Variants in SORCS1 observed in about 807,000 individuals in gnomAD.
SORCS1 encodes the protein VPS10 domain-containing receptor SorCS1.
SORCS1 carries 60 observed loss-of-function variants against 146.1 expected under a neutral mutation model. The ratio of observed to expected loss-of-function variants is 0.41; its 90% CI spans 0.33 to 0.51. The LOEUF (loss-of-function observed/expected upper bound fraction) is 0.51, where lower values mean the gene tolerates loss of function less well. Ranked by LOEUF, SORCS1 falls within the 20% of genes least tolerant of loss-of-function variation. The pLI is 0.21. For missense variants in SORCS1, 1,352 were observed against 1,487.6 expected, an observed-to-expected ratio of 0.91 and a Z score of 1.50; for synonymous variants, 637 against 584.0, an observed-to-expected ratio of 1.09 and a Z score of -1.31.
intron 1 of SORCS1, among the ~76,000 whole-genome samples, chr10:107,015,471 A>T (rs1462501366): frequency 6.6e-6 from 1 of 152,214 alleles, no homozygotes; most frequent in Non-Finnish European, 1.5e-5. Flanking sequence ...CTGAGGGAAA[A>T]GCATTTAAGG....
At chr10:107,049,325 C>T (rs975285269) in intron 1 of SORCS1, among the ~76,000 whole-genome samples, 6 of 148,516 alleles carry the variant, frequency 4.0e-5, no homozygotes, top group African/African-American at 9.9e-5. Context: ...TGCTAAATGA[C>T]GAGTTAATGG....
At chr10:107,013,261 GGGTAATGT>G (rs1340607052) in intron 1 of SORCS1, among the ~76,000 whole-genome samples, 1 of 152,078 alleles carries the variant, frequency 6.6e-6, no homozygotes, top group East Asian at 1.9e-4. Context: ...AGGAAAAGTT[GGGTAATGT>G]GGGTCACATT....
intron 1 of SORCS1, among the ~76,000 whole-genome samples, chr10:107,063,228 G>T (rs578200497): frequency 1.3e-5 from 2 of 152,202 alleles, no homozygotes; most frequent in Non-Finnish European, 2.9e-5. Context: ...CTTCTGATTA[G>T]TGGAATATGG....
chr10:106,753,702 C>A (rs1459983666), intron 5 of SORCS1, among the ~76,000 whole-genome samples: 2 of 150,690 alleles, frequency 1.3e-5, no homozygotes, highest in Non-Finnish European at 3.0e-5. Context: ...AAAAAAGTCA[C>A]TTCAAGGACT....
At chr10:106,620,186 A>G (rs560856050) in intron 20 of SORCS1, 7 of 407,612 alleles carry the variant, frequency 1.7e-5, no homozygotes, top group Non-Finnish European at 3.0e-5. Context: ...AGACAAGTAC[A>G]GCTGGAGAAA....
chr10:106,597,459 A>C lies in SORCS1; in HGVS notation c.3166-9T>G. 1 of 1,610,814 alleles carries C rather than the reference A, an allele frequency of 6.2e-7. No homozygotes were observed. Among genetic ancestry groups the C allele is most frequent in the Non-Finnish European group, 8.5e-7 (1 of 1,177,194 alleles). The stretch of plus-strand genomic sequence containing the variant: ...ATCAGCAATTCTGATATCTGAAAAA[A>C]GAAGCATAGTTAGTGACACCAAAAG... On this transcript the variant is annotated splice_polypyrimidine_tract_variant and intron_variant, in intron 23 of 25. Transcript: ENST00000263054.
chr10:107,179,808 A>G, the SORCS1 span, among the ~76,000 whole-genome samples: 2 of 150,436 alleles, frequency 1.3e-5, no homozygotes, highest in Admixed American at 1.3e-4. Flanking sequence ...CATATTTTAG[A>G]TACTAGTCCT....
chr10:106,907,447 A>C (rs1454220248), intron 2 of SORCS1, among the ~76,000 whole-genome samples: 1 of 152,182 alleles, frequency 6.6e-6, no homozygotes, highest in Non-Finnish European at 1.5e-5. Context: ...AAAAAAAGGA[A>C]GTATATATAC....
chr10:107,023,540 T>C (rs1261042482), intron 1 of SORCS1, among the ~76,000 whole-genome samples: 1 of 152,220 alleles, frequency 6.6e-6, no homozygotes, highest in Non-Finnish European at 1.5e-5. Flanking sequence ...TAAGAATTTT[T>C]ATAGTCTTAG....
At chr10:106,910,332 T>TAGAGAG (rs58664426) in intron 2 of SORCS1, among the ~76,000 whole-genome samples, 2 of 150,818 alleles carry the variant, frequency 1.3e-5, no homozygotes, top group South Asian at 2.1e-4. Flanking sequence ...TATATATATA[T>TAGAGAG]AGAGAGTGAG....
intron 5 of SORCS1, among the ~76,000 whole-genome samples, chr10:106,760,759 C>T (rs1207347202): frequency 6.6e-6 from 1 of 151,618 alleles, no homozygotes; most frequent in Non-Finnish European, 1.5e-5. Context: ...ATTCACAGAA[C>T]ATTTCTAGAA....
chr10:106,841,447 G>A (rs149841948), intron 2 of SORCS1, among the ~76,000 whole-genome samples: 1 of 151,216 alleles, frequency 6.6e-6, no homozygotes, highest in Non-Finnish European at 1.5e-5. Flanking sequence ...TCCAGCCTGG[G>A]CGACAGAGTG....
intron 2 of SORCS1, among the ~76,000 whole-genome samples, chr10:106,879,147 C>A (rs1175988299): frequency 1.7e-4 from 23 of 135,968 alleles, no homozygotes; most frequent in African/African-American, 1.6e-4. Flanking sequence ...GAGACTCCAT[C>A]AAAAAAAAAA....
At chr10:106,746,539 T>C (rs1387259764) in intron 5 of SORCS1, among the ~76,000 whole-genome samples, 1 of 152,256 alleles carries the variant, frequency 6.6e-6, no homozygotes, top group Non-Finnish European at 1.5e-5. Context: ...TCAGCTGTCT[T>C]ATATTTATGA....
chr10:106,729,841 C>T (rs1856467145), intron 6 of SORCS1, among the ~76,000 whole-genome samples: 1 of 152,120 alleles, frequency 6.6e-6, no homozygotes, highest in African/African-American at 2.4e-5. Context: ...GCCTGCCTAC[C>T]TATCCTTAGC....
At chr10:106,930,196 G>A (rs1953334789) in intron 2 of SORCS1, among the ~76,000 whole-genome samples, 1 of 152,096 alleles carries the variant, frequency 6.6e-6, no homozygotes, top group South Asian at 2.1e-4. Flanking sequence ...GCAGAAGAAT[G>A]GCGTGAACCC....
intron 5 of SORCS1, among the ~76,000 whole-genome samples, chr10:106,747,055 A>G (rs529267471): frequency 6.6e-6 from 1 of 152,214 alleles, no homozygotes; most frequent in Non-Finnish European, 1.5e-5. Flanking sequence ...TAATTCAATT[A>G]TTGGTAGTAT....
intron 2 of SORCS1, among the ~76,000 whole-genome samples, chr10:106,895,864 C>A (rs551250426): frequency 6.6e-6 from 1 of 152,048 alleles, no homozygotes; most frequent in African/African-American, 2.4e-5. Context: ...CCAACAATAG[C>A]AACTCAACTA....
chr10:106,663,266 A>C (rs569856481), intron 17 of SORCS1, among the ~76,000 whole-genome samples: 1 of 152,338 alleles, frequency 6.6e-6, no homozygotes, highest in Non-Finnish European at 1.5e-5. Context: ...ATGAAAAAGG[A>C]AAATAGAAGA....
Sources: allele counts gnomAD v4.1 joint callset (sites outside exome capture counted in the v4.1 genomes callset), GRCh38; gene constraint gnomAD v4.1.1; transcripts MANE v1.5; gene names NCBI Gene and HGNC (gene_info 2026-07-23, HGNC 2026-07-21).